CHD2: variants seen among roughly 807,000 people sequenced by gnomAD.
CHD2 encodes the protein ATP-dependent chromatin remodeler CHD2.
Under a neutral mutation model 243.9 loss-of-function variants are expected in CHD2, and 28 were observed. The observed-to-expected ratio is 0.11, with a 90% confidence interval of 0.09 to 0.16. The LOEUF (loss-of-function observed/expected upper bound fraction) is 0.16. Ranked by LOEUF, CHD2 falls within the 10% of genes least tolerant of loss-of-function variation. CHD2 has a pLI of 1.00. For missense variants in CHD2, 1,386 were observed against 2,209.8 expected (o/e 0.63, Z 7.47); for synonymous variants, 775 against 779.0 (o/e 0.99, Z 0.09).
At chr15:92,940,736 AT>A (rs1157452695) in intron 7 of CHD2, among the ~76,000 whole-genome samples, 1 of 147,652 alleles carries the variant, frequency 6.8e-6, no homozygotes, top group African/African-American at 2.5e-5. Context: ...TTCATTGTTA[AT>A]ATGTGATAGG....
At position 92,956,850 on chromosome 15, in the gene CHD2, G is replaced by A. The variant is rs145693249; in HGVS notation, c.2000+201G>A. On this transcript the variant is annotated intron_variant, in intron 16 of 38. Coordinates refer to ENST00000394196, the MANE Select transcript of CHD2 (RefSeq NM_001271.4). ...AGAAATTAGCCTGTTAAGGAGGAAA[G>A]CAGTATTGTCTGCTGAAAGGCTGAA... Among the ~76,000 whole-genome samples the A allele has an allele frequency of 2.4e-4, 36 of 152,320 alleles. 1 individual carries two copies. In the East Asian group the frequency reaches 6.6e-3, roughly 28 times the overall value.
chr15:92,980,414 G>T (rs1464077620), intron 22 of CHD2, among the ~76,000 whole-genome samples: 1 of 151,972 alleles, frequency 6.6e-6, no homozygotes, highest in Non-Finnish European at 1.5e-5. Context: ...AATGTTTTCA[G>T]ATAGTTTTCT....
chr15:92,924,602 T>C (rs2053021862), intron 3 of CHD2, 50 bp downstream of exon 3: 3 of 1,505,560 alleles, frequency 2.0e-6, no homozygotes, highest in Non-Finnish European at 2.8e-6. Flanking sequence ...TAGGACAAGC[T>C]AGCAGACCTT....
At chr15:92,904,348 G>T in intron 2 of CHD2, 1 of 701,986 alleles carries the variant, frequency 1.4e-6, no homozygotes, top group Non-Finnish European at 1.8e-6. Flanking sequence ...TAACAGCAGG[G>T]TCAACGGCGG....
chr15:93,020,941 A>G (rs1567167373), intron 38 of CHD2: 1 of 152,750 alleles, frequency 6.5e-6, no homozygotes, highest in Non-Finnish European at 1.5e-5. Flanking sequence ...GCATTAGCAG[A>G]GAGCTGTAGC....
In CHD2 at chr15:93,024,609, C is replaced by T. The variant is rs755395580; in HGVS notation, c.5391C>T (p.His1797=). 21 of 1,614,062 alleles carry T rather than the reference C, an allele frequency of 1.3e-5. No homozygotes were observed. Among genetic ancestry groups the T allele is most frequent in the Admixed American group, 1.2e-4 (7 of 60,012 alleles). ...PRSPPSQKSP[H]DSKSPLDHRS... is the part of the protein sequence containing the mutation. ...CACCCCCTTCTCAGAAATCTCCTCACGATTCCAAGTCACCCCTGGATCATA... is the reference window on the plus strand; with the variant it reads ...CACCCCCTTCTCAGAAATCTCCTCATGATTCCAAGTCACCCCTGGATCATA... Residue 1797 remains histidine (H), a synonymous_variant, in exon 39 of 39, where the codon CAC becomes CAT. Transcript: ENST00000394196.
chr15:92,966,984 T>C (rs2053773660), intron 16 of CHD2, among the ~76,000 whole-genome samples: 1 of 152,186 alleles, frequency 6.6e-6, no homozygotes, highest in Non-Finnish European at 1.5e-5. Context: ...TTGTATCCAT[T>C]GGCAGTACTG....
In CHD2 at chr15:92,900,380, T is replaced by C. The variant is rs1278507136; in HGVS notation, c.-516T>C. 1 of 393,440 alleles carries C rather than the reference T, an allele frequency of 2.5e-6. No homozygotes were observed. The highest frequency in any genetic ancestry group is 2.1e-5 in the African/African-American group (1 of 48,502). 24.4% of individuals were successfully genotyped at this position (393,440 alleles called of 1,614,324 possible). ...GTGCCTTAGAGAGAGCGCGCTCTGC[T>C]CCCTGCCTTTGCCTCACTTTACGCA... On this transcript the variant is annotated 5_prime_UTR_variant, in exon 1 of 39. Transcript: ENST00000394196.
At chr15:92,996,908 G>C in intron 28 of CHD2, 49 bp from the exon 29 acceptor site, 2 of 1,570,354 alleles carry the variant, frequency 1.3e-6, no homozygotes, top group Non-Finnish European at 1.7e-6. Context: ...GTTTTCTGTG[G>C]AACTTCTGCA....
chr15:92,975,405 C>T (rs577681710), intron 20 of CHD2, among the ~76,000 whole-genome samples: 56 of 152,244 alleles, frequency 3.7e-4, no homozygotes, highest in African/African-American at 1.0e-3. Flanking sequence ...CAATCAGTGT[C>T]GAGCTTGGAT....
At chr15:92,977,720 C>T (rs2053928420) in intron 20 of CHD2, among the ~76,000 whole-genome samples, 1 of 152,096 alleles carries the variant, frequency 6.6e-6, no homozygotes, top group African/African-American at 2.4e-5. Flanking sequence ...ATTGAGGATC[C>T]TGTGGTTCTC....
chr15:93,008,877 T>C (rs2054355746), intron 34 of CHD2, among the ~76,000 whole-genome samples: 1 of 152,208 alleles, frequency 6.6e-6, no homozygotes, highest in Admixed American at 6.5e-5. Context: ...GCCATGCCTC[T>C]CTTGCAGATG....
chr15:92,906,162 GTA>G (rs1361052051), intron 2 of CHD2, among the ~76,000 whole-genome samples: 3 of 152,102 alleles, frequency 2.0e-5, no homozygotes, highest in African/African-American at 7.2e-5. Context: ...GTGTTCTTAG[GTA>G]TGTTTGTTGA....
chr15:92,984,678 C>G (rs2054018754), intron 25 of CHD2, among the ~76,000 whole-genome samples, 178 bp downstream of exon 25: 1 of 152,194 alleles, frequency 6.6e-6, no homozygotes, highest in Non-Finnish European at 1.5e-5. Flanking sequence ...AGCTCCTGAG[C>G]ACACCTGTGA....
At chr15:92,953,627 A>G in intron 14 of CHD2, 54 bp downstream of exon 14, 7 of 1,531,894 alleles carry the variant, frequency 4.6e-6, no homozygotes, top group Non-Finnish European at 6.3e-6. Context: ...GTAATTTAGA[A>G]ATTCACTTAA....
intron 4 of CHD2, among the ~76,000 whole-genome samples, chr15:92,928,181 A>G (rs1353469196): frequency 2.6e-5 from 4 of 152,218 alleles, no homozygotes; most frequent in African/African-American, 2.4e-5. Flanking sequence ...TCACCCTAAC[A>G]TCTGCATTAC....
At chr15:92,922,009 A>G (rs1002666399) in intron 2 of CHD2, among the ~76,000 whole-genome samples, 1 of 152,204 alleles carries the variant, frequency 6.6e-6, no homozygotes, top group Non-Finnish European at 1.5e-5. Flanking sequence ...GGACTGTGCA[A>G]GGGGTTAAGG....
intron 2 of CHD2, chr15:92,921,266 C>G (rs1261716203): frequency 6.6e-6 from 1 of 152,048 alleles, no homozygotes; most frequent in Admixed American, 6.6e-5. Flanking sequence ...TAGAGGGGAG[C>G]AATGCTAGGT....
chr15:92,966,515 T>A (rs1259384630), intron 16 of CHD2, among the ~76,000 whole-genome samples: 2 of 152,336 alleles, frequency 1.3e-5, no homozygotes, highest in African/African-American at 2.4e-5. Context: ...ATGACGACTT[T>A]AGATGTCTAC....
Sources: gnomAD v4.1 joint callset for allele counts (sites outside exome capture counted in the v4.1 genomes callset) on GRCh38, gnomAD v4.1.1 for gene constraint, MANE v1.5 for transcripts, NCBI Gene and HGNC (gene_info 2026-07-23, HGNC 2026-07-21) for gene names.